Variants in CPSF7 observed in about 807,000 individuals in gnomAD.
CPSF7 encodes the protein cleavage and polyadenylation specific factor 7.
In CPSF7, 1 loss-of-function variant was observed where a neutral mutation model predicts 44.3. The observed-to-expected ratio is 0.02, with a 90% CI of 0.01 to 0.11. The LOEUF is 0.11. Ranked by LOEUF, CPSF7 falls within the 10% of genes least tolerant of loss-of-function variation. The pLI, the probability that CPSF7 is intolerant of heterozygous loss-of-function variation, is 1.00. For missense variants in CPSF7, 443 were observed against 607.2 expected, an observed-to-expected ratio of 0.73 and a Z score of 2.84; for synonymous variants, 202 against 222.0, an observed-to-expected ratio of 0.91 and a Z score of 0.80.
intron 2 of CPSF7, chr11:61,426,479 T>A (rs1861352747): frequency 6.6e-6 from 1 of 152,222 alleles, no homozygotes; most frequent in Admixed American, 6.5e-5. Context: ...TTTCTTCAGC[T>A]TGCCTAGTGT....
intron 9 of CPSF7, among the ~76,000 whole-genome samples, chr11:61,408,737 G>GA (rs1307603545): frequency 6.6e-6 from 1 of 152,202 alleles, no homozygotes; most frequent in Non-Finnish European, 1.5e-5. Context: ...GTCTAAGAAT[G>GA]AAAGCAACAG....
chr11:61,412,748 C>G (rs1489053437), intron 7 of CPSF7, among the ~76,000 whole-genome samples: 7 of 152,162 alleles, frequency 4.6e-5, no homozygotes, highest in Non-Finnish European at 1.0e-4. Flanking sequence ...AGCACAGTGC[C>G]AGGCACACAG....
intron 9 of CPSF7, among the ~76,000 whole-genome samples, chr11:61,406,769 G>T (rs1859366714): frequency 6.6e-6 from 1 of 152,082 alleles, no homozygotes; most frequent in East Asian, 1.9e-4. Context: ...TTGAGACAGG[G>T]TCTTGCTCTA....
At chr11:61,420,424 C>T in intron 4 of CPSF7, 46 bp downstream of exon 4, 2 of 1,495,336 alleles carry the variant, frequency 1.3e-6, no homozygotes, top group South Asian at 2.3e-5. Context: ...GATCTTTTAT[C>T]CCAATGGTTA....
chr11:61,411,919 A>G lies in CPSF7; in HGVS notation c.1076T>C (p.Ile359Thr), dbSNP rs1859887189. The G allele has an allele frequency of 6.2e-7, 1 of 1,614,072 alleles. No individual in the cohort carries two copies. The highest frequency in any genetic ancestry group is 1.3e-5 in the African/African-American group (1 of 74,936). The part of the protein sequence containing the change: ...GASAGDYSDA[I>T]ETLLTAIAVI... ...CGCAATGGCTGTGAGCAGCGTCTCA[A>G]TTGCGTCACTGTAATCCCCTGATAA... The change falls in exon 8 of 10, where the codon ATT (isoleucine) becomes ACT (threonine). Residue 359 changes from isoleucine to threonine, a missense_variant. Ile to Thr is a moderately conservative substitution (Grantham distance 89, BLOSUM62 -1). Coordinates refer to ENST00000439958, the MANE Select transcript of CPSF7 (RefSeq NM_001142565.3).
At chr11:61,414,667 CAGGA>C (rs934651686) in intron 7 of CPSF7, among the ~76,000 whole-genome samples, 1 of 152,164 alleles carries the variant, frequency 6.6e-6, no homozygotes, top group Non-Finnish European at 1.5e-5. Context: ...AGGAAACTCA[CAGGA>C]AGGAAGTGAA....
intron 5 of CPSF7, among the ~76,000 whole-genome samples, chr11:61,417,603 A>G (rs1221780106): frequency 6.6e-6 from 1 of 152,238 alleles, no homozygotes; most frequent in Non-Finnish European, 1.5e-5. Flanking sequence ...GGTGGAATCA[A>G]TTATGTTGAC....
At chr11:61,411,130 A>T in intron 8 of CPSF7, 25 bp from the exon 9 acceptor site, 2 of 1,578,710 alleles carry the variant, frequency 1.3e-6, no homozygotes, top group Non-Finnish European at 1.7e-6. Context: ...CTTCAGCCTC[A>T]CTCAGAAGGC....
chr11:61,422,732 T>C (rs1260944422), intron 2 of CPSF7, among the ~76,000 whole-genome samples: 6 of 152,232 alleles, frequency 3.9e-5, no homozygotes, highest in Non-Finnish European at 5.9e-5. Flanking sequence ...ATATGTATTA[T>C]GGAAAATGTG....
chr11:61,413,709 T>C (rs1185947020), intron 7 of CPSF7, among the ~76,000 whole-genome samples: 1 of 151,784 alleles, frequency 6.6e-6, no homozygotes. Flanking sequence ...AATGCCTGGC[T>C]CAGGGATAGT....
intron 7 of CPSF7, among the ~76,000 whole-genome samples, chr11:61,413,747 C>T (rs542939421): frequency 6.6e-6 from 1 of 152,176 alleles, no homozygotes; most frequent in South Asian, 2.1e-4. Context: ...CTACACTTTG[C>T]TTTTCCAAGC....
chr11:61,415,491 C>T (rs1042617846), intron 7 of CPSF7, among the ~76,000 whole-genome samples, 175 bp downstream of exon 7: 1 of 152,156 alleles, frequency 6.6e-6, no homozygotes, highest in African/African-American at 2.4e-5. Flanking sequence ...GTAATACTGC[C>T]GGAGCTTCCC....
intron 2 of CPSF7, among the ~76,000 whole-genome samples, chr11:61,423,105 CAAAAAAAAAAA>C (rs71471824): frequency 3.8e-4 from 20 of 52,350 alleles, no homozygotes; most frequent in Admixed American, 1.6e-3. Flanking sequence ...GACCCCATAT[CAAAAAAAAAAA>C]AAAAAAAAAA....
chr11:61,429,348 A>G, intron 1 of CPSF7, 58 bp from the exon 2 acceptor site: 16 of 1,060,236 alleles, frequency 1.5e-5, no homozygotes, highest in South Asian at 1.0e-4. Context: ...GGCTGGGAAG[A>G]GGGTAATGAT....
At chr11:61,412,818 T>C (rs1859975741) in intron 7 of CPSF7, among the ~76,000 whole-genome samples, 1 of 152,204 alleles carries the variant, frequency 6.6e-6, no homozygotes, top group African/African-American at 2.4e-5. Context: ...ATATACTAAT[T>C]GAAACAAGCA....
In CPSF7 at chr11:61,411,777, G is replaced by A. The variant is rs1859868599; in HGVS notation, c.1218C>T (p.Ser406=). Residue 406 remains serine (S), a synonymous_variant, in exon 8 of 10, where the codon AGC becomes AGT. Coordinates refer to ENST00000439958, the MANE Select transcript of CPSF7 (RefSeq NM_001142565.3). The part of the protein sequence containing the change: ...AKSYSVGASG[S]SSRKRHRSRE... ...CACAATCACCAACTCACCTGGAAGA[G>A]CTCCCACTGGCACCCACACTGTAGG... 6.2e-7 allele frequency: 1 copy of A among 1,610,590 alleles called. No individual in the cohort carries two copies. The highest frequency in any genetic ancestry group is 8.5e-7 in the Non-Finnish European group (1 of 1,178,114).
chr11:61,420,779 G>A lies in CPSF7; in HGVS notation c.274-206C>T, dbSNP rs1590717186. The stretch of plus-strand genomic sequence containing the variant: ...CTCACCCCCAATCTCCATCTTTAGA[G>A]ATTACGAAGATTAAAACTTATTGTA... On this transcript the variant is annotated intron_variant, in intron 3 of 9. Coordinates refer to ENST00000439958, the MANE Select transcript of CPSF7 (RefSeq NM_001142565.3). 11 of 595,622 alleles carry A rather than the reference G, an allele frequency of 1.8e-5. No homozygotes were observed. In the East Asian group the frequency reaches 3.1e-4, roughly 17 times the overall value. 36.9% of individuals were successfully genotyped at this position (595,622 alleles called of 1,614,324 possible). A position where few individuals can be genotyped will look rare whatever the true frequency, so the allele number is the denominator to read the frequency against.
chr11:61,427,096 A>G (rs1861441598), intron 2 of CPSF7: 2 of 151,486 alleles, frequency 1.3e-5, no homozygotes, highest in Non-Finnish European at 2.9e-5. Flanking sequence ...TGGGGGAAAA[A>G]CATAATCTGC....
intron 5 of CPSF7, 112 bp downstream of exon 5, chr11:61,419,837 A>G (rs754241624): frequency 3.0e-6 from 4 of 1,317,516 alleles, no homozygotes; most frequent in Admixed American, 2.3e-5. Flanking sequence ...CCCTCCCCCA[A>G]ACTCACCCAC....
Sources: gnomAD v4.1 joint callset for allele counts (sites outside exome capture counted in the v4.1 genomes callset) on GRCh38, gnomAD v4.1.1 for gene constraint, MANE v1.5 for transcripts, NCBI Gene and HGNC (gene_info 2026-07-23, HGNC 2026-07-21) for gene names.